The following VTI1A variants were observed in gnomAD, a reference collection of about 807,000 sequenced individuals.
VTI1A encodes the protein vesicle transport through interaction with t-SNAREs homolog 1A.
Under a neutral mutation model 34.9 loss-of-function variants are expected in VTI1A, and 22 were observed. The observed-to-expected ratio is 0.63, with a 90% CI of 0.45 to 0.90. The LOEUF (loss-of-function observed/expected upper bound fraction) is 0.90. Ranked by LOEUF, VTI1A falls within the 40% of genes least tolerant of loss-of-function variation. The probability of loss-of-function intolerance (pLI) is 0.00; values close to 1 mark genes in which losing one functional copy is unlikely to be tolerated. For synonymous variants in VTI1A, 87 were observed against 97.3 expected (o/e 0.89, Z 0.62); for missense variants, 268 against 275.6 (o/e 0.97, Z 0.20).
intron 5 of VTI1A, among the ~76,000 whole-genome samples, chr10:112,558,413 G>C (rs1851607387): frequency 6.6e-6 from 1 of 152,114 alleles, no homozygotes; most frequent in African/African-American, 2.4e-5. Flanking sequence ...CAGGGAGCTG[G>C]GAAAAGACAG....
the VTI1A span, among the ~76,000 whole-genome samples, chr10:112,845,557 C>T: frequency 6.6e-6 from 1 of 152,212 alleles, no homozygotes; most frequent in East Asian, 1.9e-4. Flanking sequence ...AACCCACAAA[C>T]GGGAGAAGCG....
chr10:112,800,781 AT>A lies in VTI1A; in HGVS notation c.561-14506del, dbSNP rs1208544707. 3.9e-5 allele frequency among the ~76,000 whole-genome samples: 6 copies of A among 152,186 alleles called. No individual in the cohort carries two copies. In the East Asian group the frequency reaches 1.2e-3, roughly 29 times the overall value. Reference sequence around the variant, plus strand: ...AGAGTAATTTCCAATGAGAGACTACATTTCTAATGTCCAAGGAAAGACACTG... The same window carrying A: ...AGAGTAATTTCCAATGAGAGACTACATTCTAATGTCCAAGGAAAGACACTG... On this transcript the variant is annotated intron_variant, in intron 7 of 7. Coordinates refer to ENST00000393077, the MANE Select transcript of VTI1A (RefSeq NM_145206.4).
chr10:112,796,720 T>C (rs554984842), intron 7 of VTI1A, among the ~76,000 whole-genome samples: 15 of 152,292 alleles, frequency 9.8e-5, no homozygotes, highest in African/African-American at 2.9e-4. Context: ...GTAAAAGGCA[T>C]TCTGTTTAGG....
intron 5 of VTI1A, among the ~76,000 whole-genome samples, chr10:112,606,548 C>A (rs1010450610): frequency 6.6e-6 from 1 of 152,168 alleles, no homozygotes; most frequent in Non-Finnish European, 1.5e-5. Flanking sequence ...TGCATTTCCC[C>A]ATCACAACTT....
chr10:112,460,725 T>A (rs1183106720), intron 2 of VTI1A, 143 bp downstream of exon 2: 1 of 599,280 alleles, frequency 1.7e-6, no homozygotes, highest in African/African-American at 1.9e-5. Flanking sequence ...ATTTTTAAAT[T>A]GAAGAGATTT....
chr10:112,462,111 A>G (rs1466197829), intron 2 of VTI1A, among the ~76,000 whole-genome samples: 1 of 152,164 alleles, frequency 6.6e-6, no homozygotes, highest in Admixed American at 6.5e-5. Context: ...TGGCCTCCCA[A>G]AGTGCTGGGA....
chr10:112,665,166 AAAAT>A (rs1847597039), intron 5 of VTI1A, among the ~76,000 whole-genome samples: 1 of 152,220 alleles, frequency 6.6e-6, no homozygotes, highest in African/African-American at 2.4e-5. Context: ...TTATTCAAGA[AAAAT>A]AAACCTAACG....
chr10:112,752,484 C>G, intron 7 of VTI1A: 2 of 985,438 alleles, frequency 2.0e-6, no homozygotes, highest in Non-Finnish European at 2.4e-6. Context: ...ATTTCTGTTG[C>G]TCAAACTTTT....
chr10:112,535,467 T>G (rs1850584472), intron 4 of VTI1A, among the ~76,000 whole-genome samples: 1 of 152,202 alleles, frequency 6.6e-6, no homozygotes, highest in Admixed American at 6.6e-5. Context: ...AAATGTGTTT[T>G]GTTTCGCTTG....
chr10:112,776,920 C>G (rs1851970610), intron 7 of VTI1A, among the ~76,000 whole-genome samples: 1 of 152,064 alleles, frequency 6.6e-6, no homozygotes, highest in African/African-American at 2.4e-5. Context: ...TCAGGTGATC[C>G]ACCTGCCTTG....
chr10:112,600,050 G>T (rs1411496905), intron 5 of VTI1A, among the ~76,000 whole-genome samples: 3 of 152,184 alleles, frequency 2.0e-5, no homozygotes, highest in Non-Finnish European at 4.4e-5. Context: ...AACCATATCT[G>T]CAGGCTCACA....
At position 112,650,473 on chromosome 10, in the gene VTI1A, A is replaced by G. The variant is rs572356668; in HGVS notation, c.428-17745A>G. ...TTCTACTCTTCACATTTTTTTTTAA[A>G]TAAGTGGAAGGAGTACACTCAAAAA... On this transcript the variant is annotated intron_variant, in intron 5 of 7. Transcript: ENST00000393077. Among the ~76,000 whole-genome samples, 21 of 152,228 alleles carry G rather than the reference A, an allele frequency of 1.4e-4. No homozygotes were observed. In the South Asian group the frequency reaches 2.7e-3, roughly 20 times the overall value.
At chr10:112,828,606 C>T in the VTI1A span, among the ~76,000 whole-genome samples, 8 of 151,924 alleles carry the variant, frequency 5.3e-5, no homozygotes, top group Non-Finnish European at 8.8e-5. Flanking sequence ...GGGGTTTCAC[C>T]GTGTTAGCCA....
chr10:112,628,327 ATAT>A (rs1391364681), intron 5 of VTI1A, among the ~76,000 whole-genome samples: 1 of 152,198 alleles, frequency 6.6e-6, no homozygotes, highest in African/African-American at 2.4e-5. Flanking sequence ...TATAGGATTA[ATAT>A]TATTGTTCTG....
intron 5 of VTI1A, among the ~76,000 whole-genome samples, chr10:112,618,490 TA>T (rs1845588949): frequency 4.3e-5 from 3 of 69,076 alleles, no homozygotes; most frequent in African/African-American, 1.6e-4. Context: ...ATGATTATAT[TA>T]TATATATATA....
At chr10:112,855,317 A>T in the VTI1A span, among the ~76,000 whole-genome samples, 1 of 152,160 alleles carries the variant, frequency 6.6e-6, no homozygotes, top group African/African-American at 2.4e-5. Flanking sequence ...TCTTCCCGCC[A>T]GTCCAGAGAG....
At chr10:112,790,044 AT>A (rs1224668391) in intron 7 of VTI1A, among the ~76,000 whole-genome samples, 1 of 151,230 alleles carries the variant, frequency 6.6e-6, no homozygotes, top group Non-Finnish European at 1.5e-5. Context: ...AGAGTCTAGT[AT>A]TTTTAAGTAG....
chr10:112,756,944 G>A (rs981806034), intron 7 of VTI1A, among the ~76,000 whole-genome samples: 1 of 151,962 alleles, frequency 6.6e-6, no homozygotes, highest in Non-Finnish European at 1.5e-5. Flanking sequence ...TACTCAAGAG[G>A]CTGAGGTGGG....
At chr10:112,475,867 A>G (rs1252087961) in intron 3 of VTI1A, among the ~76,000 whole-genome samples, 2 of 152,198 alleles carry the variant, frequency 1.3e-5, no homozygotes, top group South Asian at 2.1e-4. Flanking sequence ...AACTGAAATT[A>G]CTGCCTCATG....
Sources: allele counts gnomAD v4.1 joint callset (sites outside exome capture counted in the v4.1 genomes callset), GRCh38; gene constraint gnomAD v4.1.1; transcripts MANE v1.5; gene names NCBI Gene and HGNC (gene_info 2026-07-23, HGNC 2026-07-21).